The following SAMD14 variants were observed in gnomAD, a reference collection of about 807,000 sequenced individuals.
The protein encoded by SAMD14 is sterile alpha motif domain-containing protein 14.
In SAMD14, 27 loss-of-function variants were observed where a neutral mutation model predicts 46.2. The observed-to-expected ratio is 0.58, with a 90% CI of 0.43 to 0.81. The LOEUF is 0.81. Among genes scored for constraint, SAMD14 ranks in the 30% least tolerant of loss-of-function variants. The pLI is 0.00. For synonymous variants in SAMD14, 241 were observed against 254.3 expected, an observed-to-expected ratio of 0.95 and a Z score of 0.50; for missense variants, 559 against 582.2, an observed-to-expected ratio of 0.96 and a Z score of 0.41.
At position 50,112,673 on chromosome 17, in the gene SAMD14, C is replaced by A; in HGVS notation, c.*220G>T. On this transcript the variant is annotated 3_prime_UTR_variant, in exon 10 of 10. Coordinates refer to ENST00000330175, the MANE Select transcript of SAMD14 (RefSeq NM_001257359.2). ...CCAGGAACTCTGTGCCAAACAAGTC[C>A]TCAAAATAGGATTTATTACTAGGCC... The A allele has an allele frequency of 1.9e-6, 1 of 515,376 alleles. No homozygotes were observed. Among genetic ancestry groups the A allele is most frequent in the Non-Finnish European group, 3.4e-6 (1 of 297,024 alleles). The allele number at this position is 515,376 out of a possible 1,614,324, so 31.9% of individuals were successfully genotyped here. A position where few individuals can be genotyped will look rare whatever the true frequency, so the allele number is the denominator to read the frequency against.
chr17:50,126,889 C>G (rs1033648896), intron 1 of SAMD14, among the ~76,000 whole-genome samples: 1 of 151,492 alleles, frequency 6.6e-6, no homozygotes, highest in African/African-American at 2.4e-5. Flanking sequence ...CACCTGAGGT[C>G]AGGAGTTTGA....
intron 2 of SAMD14, 146 bp downstream of exon 2, chr17:50,124,771 G>GCACACA (rs10522793): frequency 0.077 from 43,275 of 562,190 alleles, 825 homozygotes; most frequent in African/African-American, 0.097. Context: ...ACGCGCGCGC[G>GCACACA]CACACACACA....
At chr17:50,117,366 G>A in intron 4 of SAMD14, 41 bp downstream of exon 4, 4 of 1,277,366 alleles carry the variant, frequency 3.1e-6, no homozygotes, top group Non-Finnish European at 3.9e-6. Context: ...TGCTGCGCCC[G>A]GGAGCGACCA....
Position 50,110,744 on chromosome 17 carries a change from C to A in SAMD14, c.*2149G>T, listed in dbSNP as rs914312191. On this transcript the variant is annotated 3_prime_UTR_variant, in exon 10 of 10. Transcript: ENST00000330175. ...GCCATCCAGCCAAGCTGCTCGAGGC[C>A]CTGCAGTGGCCTTGGCAATGTCTGT... The A allele has an allele frequency of 6.6e-6, 1 of 152,226 alleles. No homozygotes were observed. The highest frequency in any genetic ancestry group is 1.5e-5 in the Non-Finnish European group (1 of 68,062). The allele number at this position is 152,226 out of a possible 1,614,324, so 9.4% of individuals were successfully genotyped here. A position where few individuals can be genotyped will look rare whatever the true frequency, so the allele number is the denominator to read the frequency against.
In SAMD14 at chr17:50,129,821, CGTGTGCGTGTGT is replaced by C. The variant is rs1911952299; in HGVS notation, c.-329_-318del. On this transcript the variant is annotated 5_prime_UTR_variant, in exon 1 of 10. Coordinates refer to ENST00000330175, the MANE Select transcript of SAMD14 (RefSeq NM_001257359.2). This position sits in a 1 kb window ranked among gnomAD's most constrained non-coding sequence, Gnocchi z 5.6. ...GATGCTCCGTGTGTGTGTGCGTGTG[CGTGTGCGTGTGT>C]GTGTGTGTGACAGAGAGAGAGAGAG... is the stretch of plus-strand genomic sequence containing the variant. 1 of 151,288 alleles carries C rather than the reference CGTGTGCGTGTGT, an allele frequency of 6.6e-6. No homozygotes were observed. Among genetic ancestry groups the C allele is most frequent in the African/African-American group, 2.5e-5 (1 of 40,228 alleles). 9.4% of individuals were successfully genotyped at this position (151,288 alleles called of 1,614,324 possible).
At position 50,117,481 on chromosome 17, in the gene SAMD14, G is replaced by A. The variant is rs1416504370; in HGVS notation, c.425C>T (p.Pro142Leu). The A allele has an allele frequency of 1.4e-6, 2 of 1,417,540 alleles. No homozygotes were observed. Among genetic ancestry groups the A allele is most frequent in the African/African-American group, 1.5e-5 (1 of 67,126 alleles). The allele number at this position is 1,417,540 out of a possible 1,614,324, so 87.8% of individuals were successfully genotyped here. A position where few individuals can be genotyped will look rare whatever the true frequency, so the allele number is the denominator to read the frequency against. The change falls in exon 4 of 10, where the codon CCG becomes CTG. Residue 142 changes from proline (P) to leucine (L), a missense_variant. Transcript: ENST00000330175. The part of the protein sequence containing the change: ...EGLAAASCSP[P>L]RSAPSSDSSP... ...GCTGTCGGAGGAGGGCGCGGAGCGC[G>A]GCGGAGAGCAGGAGGCGGCGGCCAG... is the stretch of plus-strand genomic sequence containing the variant.
intron 2 of SAMD14, among the ~76,000 whole-genome samples, chr17:50,122,630 A>T (rs142808075): frequency 6.6e-6 from 1 of 152,298 alleles, no homozygotes; most frequent in Non-Finnish European, 1.5e-5. Flanking sequence ...CCAAGGACAG[A>T]GCCTGATGCA....
In SAMD14 at chr17:50,124,908, A is replaced by C. The variant is rs1350817425; in HGVS notation, c.43+9T>G. On this transcript the variant is annotated intron_variant, in intron 2 of 9. Transcript: ENST00000330175. Reference sequence around the variant, plus strand: ...CTATTGGCTAGAGATAGAGCCACACAGAACTTACCAAAAACTTCATCCACG... The same window carrying C: ...CTATTGGCTAGAGATAGAGCCACACCGAACTTACCAAAAACTTCATCCACG... 5 of 1,613,894 alleles carry C rather than the reference A, an allele frequency of 3.1e-6. No homozygotes were observed. In the Admixed American group the frequency reaches 8.3e-5, roughly 27 times the overall value.
chr17:50,122,192 C>T (rs753227160), intron 2 of SAMD14, among the ~76,000 whole-genome samples: 16 of 152,196 alleles, frequency 1.1e-4, no homozygotes, highest in Non-Finnish European at 1.8e-4. Flanking sequence ...CACCACACTA[C>T]CATATGGTCA....
Position 50,112,845 on chromosome 17 carries a change from G to A in SAMD14, c.*48C>T, listed in dbSNP as rs367865262. 2.2e-5 allele frequency: 35 copies of A among 1,575,160 alleles called. No individual in the cohort carries two copies. The highest frequency in any genetic ancestry group is 4.1e-5 in the African/African-American group (3 of 73,800). The stretch of plus-strand genomic sequence containing the variant: ...CCTCCCTGGTGAGGCCTGTGCCCGC[G>A]GAGCCAGTGGCTGCCCCTGCCGGGT... On this transcript the variant is annotated 3_prime_UTR_variant, in exon 10 of 10. Transcript: ENST00000330175.
intron 7 of SAMD14, chr17:50,114,641 C>T (rs9912132): frequency 0.065 from 35,599 of 546,764 alleles, 2,288 homozygotes; most frequent in African/African-American, 0.25. Context: ...ATGCGCCTCC[C>T]GCCTGGCCTT....
chr17:50,118,369 G>A (rs377680616), intron 2 of SAMD14, 42 bp from the exon 3 acceptor site: 37 of 1,600,948 alleles, frequency 2.3e-5, no homozygotes, highest in Non-Finnish European at 2.7e-5. Context: ...ACACATGAGA[G>A]GTGACGGCAA....
In SAMD14 at chr17:50,116,027, GTCT is replaced by G. The variant is rs762367407; in HGVS notation, c.560_562del (p.Lys187del). The G allele has an allele frequency of 1.4e-5, 22 of 1,614,154 alleles. No homozygotes were observed. The African/African-American group carries it at 2.3e-4, about 17-fold the overall frequency. ...CCCCAGGTCCAGGAACTTTCGGCGA[GTCT>G]TCTTATCGAGGCCGATGGTGGGGCT... On this transcript the variant is annotated inframe_deletion, in exon 5 of 10. Transcript: ENST00000330175.
chr17:50,122,386 G>A (rs539930534), intron 2 of SAMD14, among the ~76,000 whole-genome samples: 28 of 152,276 alleles, frequency 1.8e-4, no homozygotes, highest in African/African-American at 3.6e-4. Flanking sequence ...ATGCTTTGGC[G>A]GAGATGGACT....
At position 50,112,766 on chromosome 17, in the gene SAMD14, G is replaced by A; in HGVS notation, c.*127C>T. On this transcript the variant is annotated 3_prime_UTR_variant, in exon 10 of 10. Coordinates refer to ENST00000330175, the MANE Select transcript of SAMD14 (RefSeq NM_001257359.2). Reference sequence around the variant, plus strand: ...CAAGTGACAGGGTAAGAGAGAGCATGTCCCCCCTGAGAGCGTGGGACCAGG... The same window carrying A: ...CAAGTGACAGGGTAAGAGAGAGCATATCCCCCCTGAGAGCGTGGGACCAGG... The A allele has an allele frequency of 9.0e-7, 1 of 1,110,840 alleles. No homozygotes were observed. Among genetic ancestry groups the A allele is most frequent in the Non-Finnish European group, 1.3e-6 (1 of 789,394 alleles). 68.8% of individuals were successfully genotyped at this position (1,110,840 alleles called of 1,614,324 possible). A position where few individuals can be genotyped will look rare whatever the true frequency, so the allele number is the denominator to read the frequency against.
chr17:50,114,592 C>G, intron 7 of SAMD14: 1 of 665,924 alleles, frequency 1.5e-6, no homozygotes, highest in Admixed American at 3.1e-5. Flanking sequence ...TACAGGCAGA[C>G]CACCGAGATT....
chr17:50,114,077 G>A lies in SAMD14; in HGVS notation c.945C>T (p.Phe315=). The change falls in exon 9 of 10, where the codon TTC becomes TTT. Residue 315 remains phenylalanine, a splice_region_variant and synonymous_variant. Coordinates refer to ENST00000330175, the MANE Select transcript of SAMD14 (RefSeq NM_001257359.2). ...YHTLSQSSDE[F]LDEPLPPVHH... is the part of the protein sequence containing the mutation. ...GGACAGGGGGGAGGGGTTCATCCAG[G>A]AACTGGGCAGAGACCAAGGAGAGTG... 6.2e-7 allele frequency: 1 copy of A among 1,613,672 alleles called. No individual in the cohort carries two copies. Among genetic ancestry groups the A allele is most frequent in the Non-Finnish European group, 8.5e-7 (1 of 1,180,018 alleles).
At chr17:50,128,004 C>T (rs746177309) in intron 1 of SAMD14, among the ~76,000 whole-genome samples, 11 of 152,070 alleles carry the variant, frequency 7.2e-5, no homozygotes, top group Non-Finnish European at 1.0e-4. Context: ...GGTCTCATCT[C>T]CCCCCCACCA....
At position 50,114,162 on chromosome 17, in the gene SAMD14, G is replaced by A. The variant is rs777342740; in HGVS notation, c.942+25C>T. 10 of 1,613,968 alleles carry A rather than the reference G, an allele frequency of 6.2e-6. No homozygotes were observed. The East Asian group carries it at 2.0e-4, about 32-fold the overall frequency. ...CAGAGTCAGAGGTCAGGACTCCGTG[G>A]GCACCCTGGGCCAGCCTTGCTCACC... On this transcript the variant is annotated intron_variant, in intron 8 of 9. Coordinates refer to ENST00000330175, the MANE Select transcript of SAMD14 (RefSeq NM_001257359.2).
Sources: gnomAD v4.1 joint callset for allele counts (sites outside exome capture counted in the v4.1 genomes callset) on GRCh38, gnomAD v4.1.1 for gene constraint, Gnocchi (gnomAD v3.1) non-coding constraint, MANE v1.5 for transcripts, NCBI Gene and HGNC (gene_info 2026-07-23, HGNC 2026-07-21) for gene names.